XRCC4: variants seen among roughly 807,000 people sequenced by gnomAD.
XRCC4 encodes DNA repair protein XRCC4.
XRCC4 carries 28 observed loss-of-function variants against 39.1 expected under a neutral mutation model. The ratio of observed to expected loss-of-function variants is 0.72; its 90% CI spans 0.53 to 0.98. The LOEUF (loss-of-function observed/expected upper bound fraction) is 0.98, where lower values mean the gene tolerates loss of function less well. Among genes scored for constraint, XRCC4 ranks in the 50% least tolerant of loss-of-function variants. XRCC4 has a pLI of 0.00. For missense variants in XRCC4, 350 were observed against 376.4 expected, an observed-to-expected ratio of 0.93 and a Z score of 0.58; for synonymous variants, 123 against 126.4, an observed-to-expected ratio of 0.97 and a Z score of 0.18.
At chr5:83,309,296 A>AAAAAATAT (rs1561467702) in intron 7 of XRCC4, among the ~76,000 whole-genome samples, 4 of 72,228 alleles carry the variant, frequency 5.5e-5, no homozygotes, top group African/African-American at 8.5e-5. Flanking sequence ...AAAAAAAAAA[A>AAAAAATAT]ATATATATAT....
At chr5:83,312,587 T>G (rs996762822) in intron 7 of XRCC4, among the ~76,000 whole-genome samples, 3 of 152,130 alleles carry the variant, frequency 2.0e-5, no homozygotes, top group African/African-American at 7.2e-5. Context: ...ACAAATTAAA[T>G]TATGTTTAGG....
At chr5:83,229,121 A>G (rs1030901031) in intron 6 of XRCC4, among the ~76,000 whole-genome samples, 22 of 152,180 alleles carry the variant, frequency 1.4e-4, no homozygotes, top group Admixed American at 1.1e-3. Flanking sequence ...TTTAAACGCT[A>G]TAGACTTTCC....
intron 3 of XRCC4, among the ~76,000 whole-genome samples, chr5:83,150,825 C>T (rs1748668815): frequency 6.6e-6 from 1 of 152,008 alleles, no homozygotes; most frequent in South Asian, 2.1e-4. Flanking sequence ...TGTAATTATT[C>T]AGGAAATTAT....
At chr5:83,105,305 T>A (rs1746146100) in intron 2 of XRCC4, among the ~76,000 whole-genome samples, 1 of 152,124 alleles carries the variant, frequency 6.6e-6, no homozygotes, top group Non-Finnish European at 1.5e-5. Context: ...TGTTCAGAGG[T>A]TTAAAATGAC....
chr5:83,234,194 A>G (rs1194646439), intron 6 of XRCC4, among the ~76,000 whole-genome samples: 2 of 152,078 alleles, frequency 1.3e-5, no homozygotes, highest in East Asian at 1.9e-4. Flanking sequence ...AAAGTCTACA[A>G]TGTGCCAGGA....
At chr5:83,363,804 C>T in the XRCC4 span, among the ~76,000 whole-genome samples, 94 of 152,196 alleles carry the variant, frequency 6.2e-4, no homozygotes, top group African/African-American at 2.1e-3. Flanking sequence ...TTGAACATTC[C>T]CAACCCTGCT....
rs150486141 is a variant in XRCC4 at position 83,158,678 on chromosome 5, C to T, written c.316-37092C>T. On this transcript the variant is annotated intron_variant, in intron 3 of 7. Coordinates refer to ENST00000396027, the MANE Select transcript of XRCC4 (RefSeq NM_003401.5). ...AAATTTTTTTCTCATAAGACAGTTG[C>T]ACATTATACTAAAGAATTGCAAACA... Among the ~76,000 whole-genome samples, 311 of 152,060 alleles carry T rather than the reference C, an allele frequency of 2.0e-3. 1 individual carries two copies. The highest frequency in any genetic ancestry group is 3.5e-3 in the Admixed American group (53 of 15,260).
chr5:83,189,954 C>A (rs1021720284), intron 3 of XRCC4, among the ~76,000 whole-genome samples: 5 of 152,068 alleles, frequency 3.3e-5, no homozygotes, highest in Non-Finnish European at 7.4e-5. Context: ...ATCCCAGCTA[C>A]GTGGGATGCT....
At chr5:83,109,320 G>T (rs1746339277) in intron 2 of XRCC4, among the ~76,000 whole-genome samples, 1 of 151,874 alleles carries the variant, frequency 6.6e-6, no homozygotes, top group African/African-American at 2.4e-5. Context: ...CATGCAGAGA[G>T]ATATGAGTAT....
intron 3 of XRCC4, among the ~76,000 whole-genome samples, chr5:83,117,730 A>T (rs1746802787): frequency 7.1e-6 from 1 of 140,428 alleles, no homozygotes; most frequent in African/African-American, 2.6e-5. Context: ...ATGTCTTTTT[A>T]AAAAAATTAA....
At chr5:83,100,325 C>G (rs1490973055) in intron 1 of XRCC4, among the ~76,000 whole-genome samples, 2 of 151,982 alleles carry the variant, frequency 1.3e-5, no homozygotes, top group Non-Finnish European at 2.9e-5. Flanking sequence ...ATGAATAATT[C>G]AAAGATGTTC....
chr5:83,123,263 C>T (rs1254658719), intron 3 of XRCC4, among the ~76,000 whole-genome samples: 1 of 151,972 alleles, frequency 6.6e-6, no homozygotes, highest in Non-Finnish European at 1.5e-5. Flanking sequence ...TCTTGATGAG[C>T]TGACCTCTTT....
chr5:83,351,889 A>T lies in XRCC4; in HGVS notation c.894-1242A>T, dbSNP rs146238861. 6.8e-4 allele frequency among the ~76,000 whole-genome samples: 104 copies of T among 152,240 alleles called. 1 individual carries two copies. The highest frequency in any genetic ancestry group is 3.7e-3 in the East Asian group (19 of 5,178). ...TTAAAAATACTCATCACCTAAACACACTTGATATTTGGGGGTTTTCATTGG... is the reference window on the plus strand; with the variant it reads ...TTAAAAATACTCATCACCTAAACACTCTTGATATTTGGGGGTTTTCATTGG... On this transcript the variant is annotated intron_variant, in intron 7 of 7. Coordinates refer to ENST00000396027, the MANE Select transcript of XRCC4 (RefSeq NM_003401.5).
intron 1 of XRCC4, among the ~76,000 whole-genome samples, chr5:83,094,118 TCTC>T (rs1217484073): frequency 2.0e-5 from 3 of 152,222 alleles, no homozygotes; most frequent in African/African-American, 2.4e-5. Context: ...TGGTTGGAGA[TCTC>T]CTTTCTTCAT....
chr5:83,197,923 T>C (rs1751021627), intron 4 of XRCC4, among the ~76,000 whole-genome samples: 1 of 152,140 alleles, frequency 6.6e-6, no homozygotes, highest in Non-Finnish European at 1.5e-5. Flanking sequence ...AATTTGATTT[T>C]CTTTCCTTTC....
At position 83,104,897 on chromosome 5, in the gene XRCC4, T is replaced by G; in HGVS notation, c.-10-13T>G. 1 of 1,608,440 alleles carries G rather than the reference T, an allele frequency of 6.2e-7. No individual in the cohort carries two copies. The highest frequency in any genetic ancestry group is 1.1e-5 in the South Asian group (1 of 90,758). On this transcript the variant is annotated splice_polypyrimidine_tract_variant and intron_variant, in intron 1 of 7. Coordinates refer to ENST00000396027, the MANE Select transcript of XRCC4 (RefSeq NM_003401.5). ...TTTCTTTTAAAAATATTAATTGTAT[T>G]CTCCCATTACAGGTATTAAGAAATG...
At position 83,203,621 on chromosome 5, in the gene XRCC4, G is replaced by A; in HGVS notation, c.552G>A (p.Leu184=). The A allele has an allele frequency of 1.2e-6, 2 of 1,612,106 alleles. No homozygotes were observed. The highest frequency in any genetic ancestry group is 1.7e-6 in the Non-Finnish European group (2 of 1,179,208). The part of the protein sequence containing the change: ...TDLYKRFILV[L]NEKKTKIRSL... ...TTTATAAGCGGTTTATTCTGGTGTT[G>A]AATGAGAAGAAAACAAAAATCAGAA... The change falls in exon 5 of 8, where the codon TTG becomes TTA. Residue 184 remains leucine (L), a synonymous_variant. Transcript: ENST00000396027.
chr5:83,203,331 T>G (rs574727041), intron 4 of XRCC4, among the ~76,000 whole-genome samples: 1 of 152,290 alleles, frequency 6.6e-6, no homozygotes, highest in East Asian at 1.9e-4. Flanking sequence ...TTGTATCAGT[T>G]TTCAATTTTG....
intron 7 of XRCC4, chr5:83,310,885 C>A (rs1280480092): frequency 4.4e-6 from 2 of 455,812 alleles, no homozygotes; most frequent in Non-Finnish European, 8.8e-6. Context: ...TAAGGAGGAA[C>A]GTGAGCCAAC....
Sources: allele counts gnomAD v4.1 joint callset (sites outside exome capture counted in the v4.1 genomes callset), GRCh38; gene constraint gnomAD v4.1.1; transcripts MANE v1.5; gene names NCBI Gene and HGNC (gene_info 2026-07-23, HGNC 2026-07-21).